The following ZC3H13 variants were observed in gnomAD, a reference collection of about 807,000 sequenced individuals.
ZC3H13 encodes zinc finger CCCH-type containing 13.
In ZC3H13, 64 loss-of-function variants were observed where a neutral mutation model predicts 204.1. The observed-to-expected ratio is 0.31, with a 90% confidence interval of 0.26 to 0.39. The LOEUF (loss-of-function observed/expected upper bound fraction) is 0.39, where lower values mean the gene tolerates loss of function less well. ZC3H13 is among the 10% of genes least tolerant of loss of function. The probability of loss-of-function intolerance (pLI) is 1.00; values close to 1 mark genes in which losing one functional copy is unlikely to be tolerated. For synonymous variants in ZC3H13, 667 were observed against 693.7 expected, an observed-to-expected ratio of 0.96 and a Z score of 0.60; for missense variants, 1,833 against 2,082.7, an observed-to-expected ratio of 0.88 and a Z score of 2.33.
intron 5 of ZC3H13, among the ~76,000 whole-genome samples, chr13:46,011,814 T>C (rs1230981704): frequency 6.6e-6 from 1 of 152,180 alleles, no homozygotes; most frequent in African/African-American, 2.4e-5. Context: ...GTTTGGAAGT[T>C]GGGTTTTTTG....
chr13:45,974,313 G>A (rs1327097479), intron 12 of ZC3H13, among the ~76,000 whole-genome samples: 1 of 152,158 alleles, frequency 6.6e-6, no homozygotes, highest in Non-Finnish European at 1.5e-5. Flanking sequence ...GGACTGCTAA[G>A]CTGACAGGGA....
At position 46,052,410 on chromosome 13, in the gene ZC3H13, C is replaced by T. The variant is rs2044538389; in HGVS notation, c.-16G>A. On this transcript the variant is annotated 5_prime_UTR_variant, in exon 1 of 19. Transcript: ENST00000679008. ...CAATTCACAGAACGCTTACTTCCTC[C>T]CCAAGCTCCCTTCGCAAGTGCAGTC... 1 of 397,394 alleles carries T rather than the reference C, an allele frequency of 2.5e-6. No individual in the cohort carries two copies. Among genetic ancestry groups the T allele is most frequent in the Non-Finnish European group, 4.4e-6 (1 of 225,806 alleles). 24.6% of individuals were successfully genotyped at this position (397,394 alleles called of 1,614,324 possible).
intron 1 of ZC3H13, among the ~76,000 whole-genome samples, chr13:46,048,580 CAAAAAAAAAAA>C (rs56753264): frequency 1.0e-4 from 4 of 38,656 alleles, no homozygotes; most frequent in Middle Eastern, 0.045. Context: ...GACTCCGCCT[CAAAAAAAAAAA>C]AAAAAAAAAA....
At chr13:45,994,728 C>A (rs1050613766) in intron 8 of ZC3H13, among the ~76,000 whole-genome samples, 59 of 152,288 alleles carry the variant, frequency 3.9e-4, no homozygotes, top group African/African-American at 1.3e-3. Flanking sequence ...CTGGCTCCTT[C>A]CGCTTGGTGG....
rs1271304216 is a variant in ZC3H13, at chr13:46,011,518, T to A, written c.485A>T (p.His162Leu). The change falls in exon 6 of 19, where the codon CAT becomes CTT. Residue 162 changes from histidine to leucine, a missense_variant. By Grantham distance (99) the His-to-Leu change is moderately conservative. Coordinates refer to ENST00000679008, the MANE Select transcript of ZC3H13 (RefSeq NM_001330564.2). Reference protein sequence around the residue: ...DNGDINYDYVHELSLEMKRQK... With the variant: ...DNGDINYDYVLELSLEMKRQK... Reference sequence around the variant, plus strand: ...ACGCTTCATTTCCAATGACAATTCATGAACATAATCATAATTAATATCTCC... The same window carrying A: ...ACGCTTCATTTCCAATGACAATTCAAGAACATAATCATAATTAATATCTCC... 1 of 1,596,760 alleles carries A rather than the reference T, an allele frequency of 6.3e-7. No homozygotes were observed.
At chr13:45,996,748 C>CAAAAAAAAAAAAAA in intron 8 of ZC3H13, among the ~76,000 whole-genome samples, 1 of 50,570 alleles carries the variant, frequency 2.0e-5, no homozygotes, top group Non-Finnish European at 4.5e-5. Flanking sequence ...TGAATATGTA[C>CAAAAAAAAAAAAAA]AAAAAAAAAA....
chr13:46,033,754 AC>A (rs887997037), intron 4 of ZC3H13, among the ~76,000 whole-genome samples: 6 of 152,180 alleles, frequency 3.9e-5, no homozygotes, highest in Non-Finnish European at 7.4e-5. Flanking sequence ...TGCTGGGAAT[AC>A]GTGATCTTCA....
At chr13:46,022,201 A>G (rs142741213) in intron 4 of ZC3H13, among the ~76,000 whole-genome samples, 3 of 151,990 alleles carry the variant, frequency 2.0e-5, no homozygotes, top group African/African-American at 7.2e-5. Flanking sequence ...GTTTTCCAAT[A>G]TGACTCTGAT....
In ZC3H13 at chr13:46,018,602, A is replaced by C. The variant is rs2042051139; in HGVS notation, c.448+1847T>G. Reference sequence around the variant, plus strand: ...AGGCACAAATAAAAACTTAGTTTGAAGGTGTGGTAGGAGGAAGTTGAGGGA... The same window carrying C: ...AGGCACAAATAAAAACTTAGTTTGACGGTGTGGTAGGAGGAAGTTGAGGGA... On this transcript the variant is annotated intron_variant, in intron 5 of 18. Coordinates refer to ENST00000679008, the MANE Select transcript of ZC3H13 (RefSeq NM_001330564.2). Among the ~76,000 whole-genome samples, 3 of 152,156 alleles carry C rather than the reference A, an allele frequency of 2.0e-5. No homozygotes were observed. In the South Asian group the frequency reaches 6.2e-4, roughly 31 times the overall value.
In ZC3H13 at chr13:45,968,744, T is replaced by A; in HGVS notation, c.3796+4A>T. The A allele has an allele frequency of 6.4e-7, 1 of 1,569,426 alleles. No homozygotes were observed. The highest frequency in any genetic ancestry group is 8.6e-7 in the Non-Finnish European group (1 of 1,162,072). On this transcript the variant is annotated splice_donor_region_variant and intron_variant, in intron 14 of 18. Transcript: ENST00000679008. ...GTGACTAGATCACAATTCAATTTTATTACCTGAAGAAGTACTTCGACTGGG... is the reference window on the plus strand; with the variant it reads ...GTGACTAGATCACAATTCAATTTTAATACCTGAAGAAGTACTTCGACTGGG...
At chr13:45,961,537 G>A (rs1179322179) in intron 17 of ZC3H13, among the ~76,000 whole-genome samples, 1 of 141,872 alleles carries the variant, frequency 7.0e-6, no homozygotes, top group Non-Finnish European at 1.5e-5. Flanking sequence ...AGGCTGGGAA[G>A]GGTAGTGGGG....
At chr13:45,983,054 G>A (rs893471320) in intron 10 of ZC3H13, among the ~76,000 whole-genome samples, 1 of 152,026 alleles carries the variant, frequency 6.6e-6, no homozygotes, top group Non-Finnish European at 1.5e-5. Context: ...TGTAATGACA[G>A]AACAAACAGA....
rs75590836 is a variant in ZC3H13 at position 45,964,246 on chromosome 13, A to G, written c.4475-204T>C. Among the ~76,000 whole-genome samples the G allele has an allele frequency of 4.7e-3, 711 of 152,284 alleles. 25 individuals carry two copies. The East Asian group carries it at 0.098, about 21-fold the overall frequency. ...GACAAATAAAAAACCTTCCCACCAA[A>G]AGAAAACAGGTAACCCAACCCACCC... On this transcript the variant is annotated intron_variant, in intron 16 of 18. Coordinates refer to ENST00000679008, the MANE Select transcript of ZC3H13 (RefSeq NM_001330564.2).
intron 3 of ZC3H13, among the ~76,000 whole-genome samples, chr13:46,043,862 T>TA (rs1481406219): frequency 6.6e-6 from 1 of 151,980 alleles, no homozygotes; most frequent in African/African-American, 2.4e-5. Context: ...ATTTCAAAGA[T>TA]AAATTTTAAA....
Position 45,967,921 on chromosome 13 carries a change from G to A in ZC3H13, c.3904C>T (p.Arg1302Ter), listed in dbSNP as rs1228647757. Residue 1302 changes from arginine (R) to a stop codon, truncating the protein, a stop_gained, in exon 15 of 19, where the codon CGA becomes TGA. Transcript: ENST00000679008. LOFTEE classifies it high-confidence loss of function. ...SFDSRDRLQERDRYEHDRERE... is the reference protein window; with the variant it reads ...SFDSRDRLQE Reference sequence around the variant, plus strand: ...TCTCTGTCGTGTTCATATCGATCTCGTTCTTGAAGCCTGTCTCTGCTATCA... The same window carrying A: ...TCTCTGTCGTGTTCATATCGATCTCATTCTTGAAGCCTGTCTCTGCTATCA... 1 of 1,613,786 alleles carries A rather than the reference G, an allele frequency of 6.2e-7. No individual in the cohort carries two copies. Among genetic ancestry groups the A allele is most frequent in the Non-Finnish European group, 8.5e-7 (1 of 1,179,916 alleles).
intron 1 of ZC3H13, among the ~76,000 whole-genome samples, chr13:46,048,593 A>AC (rs1395121728): frequency 2.0e-5 from 3 of 150,648 alleles, no homozygotes; most frequent in South Asian, 4.2e-4. Context: ...AAAAAAAAAA[A>AC]AAAAAAAAAA....
At chr13:45,980,998 A>C (rs1953539087) in intron 10 of ZC3H13, among the ~76,000 whole-genome samples, 1 of 152,200 alleles carries the variant, frequency 6.6e-6, no homozygotes, top group Non-Finnish European at 1.5e-5. Flanking sequence ...ACACTGGAGA[A>C]GTTGGGGTAA....
rs1008746336 is a variant in ZC3H13, at chr13:45,954,838, G to A, written c.*2289C>T. On this transcript the variant is annotated 3_prime_UTR_variant, in exon 19 of 19. Transcript: ENST00000679008. The stretch of plus-strand genomic sequence containing the variant: ...CTGCAATTACTGGTCAGAGTGAAGC[G>A]AAGTGACAGGTCAGATTTTTCAGCA... 3 of 152,222 alleles carry A rather than the reference G, an allele frequency of 2.0e-5. No homozygotes were observed. Among genetic ancestry groups the A allele is most frequent in the South Asian group, 2.1e-4 (1 of 4,838 alleles). 9.4% of individuals were successfully genotyped at this position (152,222 alleles called of 1,614,324 possible).
At chr13:45,967,203 A>G (rs1952163799) in intron 15 of ZC3H13, among the ~76,000 whole-genome samples, 1 of 152,216 alleles carries the variant, frequency 6.6e-6, no homozygotes, top group African/African-American at 2.4e-5. Context: ...ACATCTAAGA[A>G]AAGGATGTGA....
Sources: gnomAD v4.1 joint callset for allele counts (sites outside exome capture counted in the v4.1 genomes callset) on GRCh38, gnomAD v4.1.1 for gene constraint, MANE v1.5 for transcripts, NCBI Gene and HGNC (gene_info 2026-07-23, HGNC 2026-07-21) for gene names.